Variants in SNUPN observed in about 807,000 individuals in gnomAD.
SNUPN encodes the protein snurportin-1.
In SNUPN, 31 loss-of-function variants were observed where a neutral mutation model predicts 39.2. The observed-to-expected ratio is 0.79, with a 90% CI of 0.59 to 1.07. SNUPN has a LOEUF of 1.07. Among genes scored for constraint, SNUPN ranks in the 50% least tolerant of loss-of-function variants. The pLI is 0.00. For missense variants in SNUPN, 382 were observed against 434.2 expected (o/e 0.88, Z 1.07); for synonymous variants, 132 against 159.0 (o/e 0.83, Z 1.28).
chr15:75,617,617 C>G, intron 2 of SNUPN, 65 bp from the exon 3 acceptor site: 1 of 1,517,172 alleles, frequency 6.6e-7, no homozygotes, highest in Non-Finnish European at 8.8e-7. Flanking sequence ...GACAGGGTCT[C>G]GCTCTGTTGC....
chr15:75,607,490 C>T (rs1428679252), intron 5 of SNUPN, among the ~76,000 whole-genome samples, 177 bp from the exon 6 acceptor site: 2 of 152,166 alleles, frequency 1.3e-5, no homozygotes, highest in Non-Finnish European at 2.9e-5. Context: ...TGGCTACCAG[C>T]TACAGCTTCA....
intron 7 of SNUPN, 40 bp downstream of exon 7, chr15:75,605,109 CT>C: frequency 7.9e-7 from 1 of 1,263,002 alleles, no homozygotes; most frequent in Non-Finnish European, 1.2e-6. Context: ...ATCCACACTA[CT>C]CCCCATAAGG....
At chr15:75,609,836 A>G (rs1892732718) in intron 4 of SNUPN, 54 bp downstream of exon 4, 1 of 1,406,216 alleles carries the variant, frequency 7.1e-7, no homozygotes, top group Admixed American at 1.7e-5. Flanking sequence ...AGCACAAAGA[A>G]TCCCTCCCAC....
chr15:75,605,034 T>C, intron 7 of SNUPN, 116 bp downstream of exon 7: 1 of 704,850 alleles, frequency 1.4e-6, no homozygotes, highest in Non-Finnish European at 2.5e-6. Flanking sequence ...TACTCTTCCC[T>C]TTATACCATG....
intron 7 of SNUPN, 131 bp downstream of exon 7, chr15:75,605,019 A>G: frequency 1.6e-6 from 1 of 641,420 alleles, no homozygotes; most frequent in Non-Finnish European, 2.8e-6. Context: ...GATCTACATG[A>G]TTGATACTCT....
rs1893054889 is a variant in SNUPN at position 75,621,003 on chromosome 15, CT to C, written c.48del (p.Asp17IlefsTer2). On this transcript the variant is annotated frameshift_variant, in exon 2 of 9. Transcript: ENST00000308588. LOFTEE classifies it high-confidence loss of function. ...TGTGGGGCAGCTGTGCTGTTCAGAT[CT>C]TGAGACACAGAAAAGCTACTAGCCA... ...QALASSFSVS[Q>X]DLNSTAAPHP... 1.2e-6 allele frequency: 2 copies of C among 1,614,002 alleles called. No individual in the cohort carries two copies. The highest frequency in any genetic ancestry group is 2.2e-5 in the East Asian group (1 of 44,898).
intron 8 of SNUPN, 136 bp downstream of exon 8, chr15:75,601,002 C>CT: frequency 1.4e-6 from 1 of 705,614 alleles, no homozygotes; most frequent in South Asian, 1.5e-5. Flanking sequence ...CAAGTACATC[C>CT]TTTCTCCAGA....
At chr15:75,617,685 G>GA in intron 2 of SNUPN, 133 bp from the exon 3 acceptor site, 1 of 937,250 alleles carries the variant, frequency 1.1e-6, no homozygotes, top group Non-Finnish European at 1.5e-6. Flanking sequence ...GGGCTCAAGT[G>GA]ATCTTCCCAC....
intron 5 of SNUPN, among the ~76,000 whole-genome samples, chr15:75,608,168 G>A (rs904502700): frequency 6.6e-6 from 1 of 152,118 alleles, no homozygotes; most frequent in Non-Finnish European, 1.5e-5. Flanking sequence ...ATGGCTTTGA[G>A]CCCAGGAGTT....
chr15:75,625,169 T>A lies in SNUPN; in HGVS notation c.-6+497A>T, dbSNP rs912731290. On this transcript the variant is annotated intron_variant, in intron 1 of 8. Transcript: ENST00000308588. ...TGGTCTTAGCACCAGTAACCCCCGC[T>A]CCAACTCCCTAAAGTCCGACCCGCC... is the stretch of plus-strand genomic sequence containing the variant. 1.9e-3 allele frequency: 283 copies of A among 152,064 alleles called. 2 individuals carry two copies. Among genetic ancestry groups the A allele is most frequent in the Non-Finnish European group, 1.6e-3 (107 of 68,328 alleles). 9.4% of individuals were successfully genotyped at this position (152,064 alleles called of 1,614,324 possible). A position where few individuals can be genotyped will look rare whatever the true frequency, so the allele number is the denominator to read the frequency against.
chr15:75,617,445 T>C lies in SNUPN; in HGVS notation c.266A>G (p.Asp89Gly). Residue 89 changes from aspartate (D) to glycine (G), a missense_variant, in exon 3 of 9, where the codon GAC becomes GGC. Asp to Gly is a moderately conservative substitution (Grantham distance 94, BLOSUM62 -1). Coordinates refer to ENST00000308588, the MANE Select transcript of SNUPN (RefSeq NM_005701.4). ...GTGTTTTGGTAACTTCTTGACAGTG[T>C]CAATGTCCATTTCTTCATCATCTTT... is the stretch of plus-strand genomic sequence containing the variant. ...NKKDDEEMDI[D>G]TVKKLPKHYA... 1 of 1,614,128 alleles carries C rather than the reference T, an allele frequency of 6.2e-7. No individual in the cohort carries two copies. Among genetic ancestry groups the C allele is most frequent in the Non-Finnish European group, 8.5e-7 (1 of 1,180,020 alleles).
chr15:75,621,190 A>G, intron 1 of SNUPN, 134 bp from the exon 2 acceptor site: 2 of 777,750 alleles, frequency 2.6e-6, no homozygotes, highest in Non-Finnish European at 4.1e-6. Context: ...AAGTGTTTCC[A>G]TGAGACAAAA....
At chr15:75,610,078 T>G in intron 3 of SNUPN, 84 bp from the exon 4 acceptor site, 3 of 1,037,822 alleles carry the variant, frequency 2.9e-6, no homozygotes, top group South Asian at 1.3e-5. Flanking sequence ...ATATCCTGTG[T>G]GTATATTAAA....
chr15:75,609,863 T>C, intron 4 of SNUPN, 27 bp downstream of exon 4: 1 of 1,536,714 alleles, frequency 6.5e-7, no homozygotes, highest in African/African-American at 1.4e-5. Context: ...CCAGGCCTAC[T>C]GGCATAGGGG....
intron 3 of SNUPN, among the ~76,000 whole-genome samples, chr15:75,613,176 G>A (rs1012100353): frequency 2.8e-5 from 4 of 144,154 alleles, no homozygotes; most frequent in African/African-American, 1.0e-4. Context: ...GGAGAATGGC[G>A]TGAACCCGGG....
At chr15:75,604,191 C>T (rs1484743842) in intron 7 of SNUPN, among the ~76,000 whole-genome samples, 3 of 129,786 alleles carry the variant, frequency 2.3e-5, no homozygotes, top group South Asian at 2.4e-4. Flanking sequence ...GACAGAGTCT[C>T]GCTCTGTTGC....
intron 1 of SNUPN, among the ~76,000 whole-genome samples, chr15:75,623,227 C>A (rs1390953700): frequency 1.3e-5 from 2 of 152,222 alleles, no homozygotes; most frequent in African/African-American, 2.4e-5. Context: ...TCACCACAAC[C>A]TCCGCCTCCC....
At chr15:75,619,176 A>T (rs570841838) in intron 2 of SNUPN, among the ~76,000 whole-genome samples, 4 of 151,944 alleles carry the variant, frequency 2.6e-5, no homozygotes, top group East Asian at 3.9e-4. Flanking sequence ...TACCAAAAAT[A>T]AAAAAATTAG....
At chr15:75,623,498 A>C (rs1359536541) in intron 1 of SNUPN, among the ~76,000 whole-genome samples, 1 of 149,408 alleles carries the variant, frequency 6.7e-6, no homozygotes, top group Non-Finnish European at 1.5e-5. Context: ...AGGCTGGACT[A>C]CAGTGGTGTG....
Sources: allele counts gnomAD v4.1 joint callset (sites outside exome capture counted in the v4.1 genomes callset), GRCh38; gene constraint gnomAD v4.1.1; transcripts MANE v1.5; gene names NCBI Gene and HGNC (gene_info 2026-07-23, HGNC 2026-07-21).